The following PIEZO1 variants were observed in gnomAD, a reference collection of about 807,000 sequenced individuals.
PIEZO1 encodes piezo-type mechanosensitive ion channel component 1.
In PIEZO1, 296 loss-of-function variants were observed where a neutral mutation model predicts 297.2. The observed-to-expected ratio is 1.00, with a 90% CI of 0.91 to 1.10. The LOEUF is 1.10. Ranked by LOEUF, PIEZO1 falls within the 50% of genes least tolerant of loss-of-function variation. PIEZO1 has a pLI of 0.00. For missense variants in PIEZO1, 5,018 were observed against 3,455.5 expected, an observed-to-expected ratio of 1.45 and a Z score of -11.34; for synonymous variants, 2,427 against 1,507.5, an observed-to-expected ratio of 1.61 and a Z score of -14.13.
rs1439916412 is a variant in PIEZO1, at chr16:88,716,501, G to C, written c.6927-18C>G. 7 of 1,542,222 alleles carry C rather than the reference G, an allele frequency of 4.5e-6. No individual in the cohort carries two copies. The highest frequency in any genetic ancestry group is 6.1e-6 in the Non-Finnish European group (7 of 1,142,178). ...CCAGGTCCCTGGGGGTGGGAACACA[G>C]CGTGACCCACTGTAGTGGGTCCACC... On this transcript the variant is annotated intron_variant, in intron 47 of 50. Coordinates refer to ENST00000301015, the MANE Select transcript of PIEZO1 (RefSeq NM_001142864.4).
Position 88,737,661 on chromosome 16 carries a change from C to G in PIEZO1, c.1108-15G>C. On this transcript the variant is annotated splice_polypyrimidine_tract_variant and intron_variant, in intron 9 of 50. Coordinates refer to ENST00000301015, the MANE Select transcript of PIEZO1 (RefSeq NM_001142864.4). ...GGCACCACGTGCTGTGGGCAAGCAGCGCTGAGCCATGCACGGGCTGGCCGG... is the reference window on the plus strand; with the variant it reads ...GGCACCACGTGCTGTGGGCAAGCAGGGCTGAGCCATGCACGGGCTGGCCGG... 6.5e-7 allele frequency: 1 copy of G among 1,534,172 alleles called. No homozygotes were observed. The highest frequency in any genetic ancestry group is 8.7e-7 in the Non-Finnish European group (1 of 1,145,698).
intron 15 of PIEZO1, 49 bp downstream of exon 15, chr16:88,734,601 G>A: frequency 6.5e-7 from 1 of 1,548,736 alleles, no homozygotes; most frequent in Non-Finnish European, 8.7e-7. Flanking sequence ...CCCCGGGGAA[G>A]TGCACGGGGT....
rs116971855 is a variant in PIEZO1, at chr16:88,725,843, T to G, written c.3969-159A>C. 0.015 allele frequency: 9,194 copies of G among 615,556 alleles called. 83 individuals carry two copies. The highest frequency in any genetic ancestry group is 0.021 in the Non-Finnish European group (7,068 of 338,324). 38.1% of individuals were successfully genotyped at this position (615,556 alleles called of 1,614,324 possible). On this transcript the variant is annotated intron_variant, in intron 27 of 50. Coordinates refer to ENST00000301015, the MANE Select transcript of PIEZO1 (RefSeq NM_001142864.4). ...GGGGAGGCATCTGCTGCCCCCACCC[T>G]CCGTGCTGTCTGCGGCGAGGACAGG...
At chr16:88,749,831 C>A (rs1188248511) in intron 1 of PIEZO1, among the ~76,000 whole-genome samples, 1 of 152,168 alleles carries the variant, frequency 6.6e-6, no homozygotes, top group Non-Finnish European at 1.5e-5. Flanking sequence ...AGTTCAAGAC[C>A]AGCCTGGCCA....
intron 39 of PIEZO1, 63 bp downstream of exon 39, chr16:88,721,103 C>T: frequency 7.1e-7 from 1 of 1,412,872 alleles, no homozygotes; most frequent in South Asian, 1.4e-5. Context: ...GAAAGACCCT[C>T]CCTGCAGTAG....
intron 1 of PIEZO1, among the ~76,000 whole-genome samples, chr16:88,752,123 T>C (rs1906421039): frequency 6.6e-6 from 1 of 152,182 alleles, no homozygotes. Context: ...TGGGTGTCAG[T>C]GATGGCTGCA....
rs1267832123 is a variant in PIEZO1, at chr16:88,733,628, T to C, written c.2447A>G (p.Lys816Arg). 6.5e-6 allele frequency: 10 copies of C among 1,549,398 alleles called. No homozygotes were observed. The highest frequency in any genetic ancestry group is 1.4e-5 in the African/African-American group (1 of 73,022). The change falls in exon 18 of 51, where the codon AAG (lysine) becomes AGG (arginine). Residue 816 changes from lysine (K) to arginine (R), a missense_variant. Coordinates refer to ENST00000301015, the MANE Select transcript of PIEZO1 (RefSeq NM_001142864.4). ...CCAGACGGTGTACAGGGCCACCAGC[T>C]TGAAAACGTGAAGCTCCAGCAGCCG... is the stretch of plus-strand genomic sequence containing the variant. The part of the protein sequence containing the change: ...LRRLLELHVF[K>R]LVALYTVWVA...
chr16:88,737,543 A>G lies in PIEZO1; in HGVS notation c.1195+16T>C, dbSNP rs986546206. The stretch of plus-strand genomic sequence containing the variant: ...CCCCCCGCACCCAGCCATACCTTGC[A>G]GTGTGCGGTACTCACCAGGCCGCCG... On this transcript the variant is annotated intron_variant, in intron 10 of 50. Coordinates refer to ENST00000301015, the MANE Select transcript of PIEZO1 (RefSeq NM_001142864.4). 1.3e-6 allele frequency: 2 copies of G among 1,500,318 alleles called. No individual in the cohort carries two copies. Among genetic ancestry groups the G allele is most frequent in the Non-Finnish European group, 9.0e-7 (1 of 1,116,690 alleles). 92.9% of individuals were successfully genotyped at this position (1,500,318 alleles called of 1,614,324 possible).
At chr16:88,721,773 G>A (rs762106294) in intron 37 of PIEZO1, 35 bp downstream of exon 37, 1 of 1,536,034 alleles carries the variant, frequency 6.5e-7, no homozygotes, top group South Asian at 1.2e-5. Flanking sequence ...CGGCGCGGTG[G>A]GCCGGGCGCC....
In PIEZO1 at chr16:88,732,558, G is replaced by A. The variant is rs1393281812; in HGVS notation, c.2791-23C>T. 12 of 1,543,608 alleles carry A rather than the reference G, an allele frequency of 7.8e-6. No homozygotes were observed. In the South Asian group the frequency reaches 8.3e-5, roughly 11 times the overall value. ...GTTCTGCGGAGGGCAAGGGTCAGGG[G>A]GCAGCCGGGTACTCGCCCGCCCAGC... On this transcript the variant is annotated intron_variant, in intron 20 of 50. Transcript: ENST00000301015.
chr16:88,726,770 C>G lies in PIEZO1; in HGVS notation c.3644G>C (p.Trp1215Ser), dbSNP rs1474164689. 2 of 1,550,072 alleles carry G rather than the reference C, an allele frequency of 1.3e-6. No individual in the cohort carries two copies. ...QRDTRARLVL[W>S]DCLILYNVTV... ...GACGTTGTACAGAATGAGGCAGTCC[C>G]ACAGCACGAGGCGGGCCCGTGTGTC... is the stretch of plus-strand genomic sequence containing the variant. The change falls in exon 25 of 51, where the codon TGG (tryptophan) becomes TCG (serine). Residue 1215 changes from tryptophan to serine, a missense_variant. By Grantham distance (177) the Trp-to-Ser change is radical. Coordinates refer to ENST00000301015, the MANE Select transcript of PIEZO1 (RefSeq NM_001142864.4).
At chr16:88,773,540 G>C (rs781211003) in intron 1 of PIEZO1, among the ~76,000 whole-genome samples, 1 of 152,222 alleles carries the variant, frequency 6.6e-6, no homozygotes, top group Non-Finnish European at 1.5e-5. Context: ...AAAACCCTGG[G>C]GGCTCAAGGC....
intron 5 of PIEZO1, 94 bp from the exon 6 acceptor site, chr16:88,738,830 C>G (rs1050210064): frequency 6.2e-6 from 7 of 1,123,800 alleles, no homozygotes; most frequent in African/African-American, 4.6e-5. Context: ...TGGGAGGCGG[C>G]CACATCCACA....
At position 88,763,920 on chromosome 16, in the gene PIEZO1, C is replaced by G. The variant is rs1907041064; in HGVS notation, c.65-14441G>C. ...TCACAGCCATCCTGCCCCAGGCACA[C>G]CTGTACACCTGCACACAGGGTCGGC... On this transcript the variant is annotated intron_variant, in intron 1 of 50. Transcript: ENST00000301015. Among the ~76,000 whole-genome samples the G allele has an allele frequency of 2.0e-5, 3 of 152,324 alleles. No individual in the cohort carries two copies. In the South Asian group the frequency reaches 6.2e-4, roughly 32 times the overall value.
intron 22 of PIEZO1, 137 bp from the exon 23 acceptor site, chr16:88,727,798 A>C: frequency 2.2e-6 from 1 of 460,216 alleles, no homozygotes; most frequent in South Asian, 4.8e-5. Flanking sequence ...TGGTGTCTCG[A>C]GAACTGACAG....
Position 88,720,723 on chromosome 16 carries a change from C to G in PIEZO1, c.5694G>C (p.Glu1898Asp), listed in dbSNP as rs201829917. Residue 1898 changes from glutamate (E) to aspartate (D), a missense_variant, in exon 40 of 51, where the codon GAG (glutamate) becomes GAC (aspartate). Glu to Asp is a conservative substitution (Grantham distance 45, BLOSUM62 2). Coordinates refer to ENST00000301015, the MANE Select transcript of PIEZO1 (RefSeq NM_001142864.4). ...AIEAEDREEE[E>D]GEEEKEAPTG... ...TGGGGGCCTCTTTCTCTTCCTCCCC[C>G]TCTTCTTCCTCCCTGTCCTCAGCTT... The G allele has an allele frequency of 8.2e-4, 1,254 of 1,523,780 alleles. 8 individuals are homozygous for G. In the African/African-American group the frequency reaches 0.016, roughly 19 times the overall value. 94.4% of individuals were successfully genotyped at this position (1,523,780 alleles called of 1,614,324 possible).
At chr16:88,725,926 G>A (rs1904392299) in intron 27 of PIEZO1, 4 of 572,706 alleles carry the variant, frequency 7.0e-6, no homozygotes, top group South Asian at 4.3e-5. Flanking sequence ...CACAGCTGCA[G>A]GGAAGAAGGC....
At chr16:88,746,040 C>T (rs1183082151) in intron 2 of PIEZO1, among the ~76,000 whole-genome samples, 1 of 151,738 alleles carries the variant, frequency 6.6e-6, no homozygotes, top group Non-Finnish European at 1.5e-5. Flanking sequence ...GAGTCTGATC[C>T]GTGGGGTGTG....
chr16:88,727,754 C>T (rs1049963199), intron 22 of PIEZO1, 93 bp from the exon 23 acceptor site: 2 of 570,030 alleles, frequency 3.5e-6, no homozygotes, highest in East Asian at 6.2e-5. Flanking sequence ...TATCACCAGC[C>T]CTCAGGGTCC....
Sources: allele counts gnomAD v4.1 joint callset (sites outside exome capture counted in the v4.1 genomes callset), GRCh38; gene constraint gnomAD v4.1.1; transcripts MANE v1.5; gene names NCBI Gene and HGNC (gene_info 2026-07-23, HGNC 2026-07-21).